The following GBF1 variants were observed in gnomAD, a reference collection of about 807,000 sequenced individuals.
The protein encoded by GBF1 is Golgi-specific brefeldin A-resistance guanine nucleotide exchange factor 1.
In GBF1, 114 loss-of-function variants were observed where a neutral mutation model predicts 210.5. That is an observed-to-expected ratio of 0.54 (90% confidence interval 0.47 to 0.63). The LOEUF (loss-of-function observed/expected upper bound fraction) is 0.63. Among genes scored for constraint, GBF1 ranks in the 30% least tolerant of loss-of-function variants. GBF1 has a pLI of 0.00. For synonymous variants in GBF1, 850 were observed against 889.2 expected (o/e 0.96, Z 0.78); for missense variants, 1,851 against 2,357.7 (o/e 0.79, Z 4.45).
chr10:102,369,425 C>T (rs2060085042), intron 24 of GBF1, 38 bp downstream of exon 24: 2 of 1,473,278 alleles, frequency 1.4e-6, no homozygotes, highest in African/African-American at 2.8e-5. Flanking sequence ...GATAACAAGG[C>T]AAGAGCTGCA....
intron 3 of GBF1, among the ~76,000 whole-genome samples, chr10:102,338,626 C>G (rs1443348066): frequency 6.6e-6 from 1 of 151,818 alleles, no homozygotes. Flanking sequence ...AGTCCATTGA[C>G]TGAATTGTAT....
chr10:102,377,107 CTA>C lies in GBF1; in HGVS notation c.4462_4463del (p.Tyr1488ProfsTer44). The C allele has an allele frequency of 6.2e-7, 1 of 1,614,076 alleles. No individual in the cohort carries two copies. ...DDEDEGVPAS[Y>X]HTVSLQVSQD... is the part of the protein sequence containing the mutation. ...ATGAGGACGAAGGCGTGCCTGCCAG[CTA>C]CCATACGGTGTCTTTACAGGTCAGT... On this transcript the variant is annotated frameshift_variant, in exon 33 of 40. Transcript: ENST00000369983. LOFTEE classifies it high-confidence loss of function.
chr10:102,268,886 A>G (rs950985771), intron 3 of GBF1, among the ~76,000 whole-genome samples: 1 of 152,232 alleles, frequency 6.6e-6, no homozygotes, highest in Non-Finnish European at 1.5e-5. Flanking sequence ...GGAGTTGGCT[A>G]TAGAGCAAAA....
intron 13 of GBF1, 124 bp from the exon 14 acceptor site, chr10:102,361,594 T>G (rs1202062727): frequency 1.6e-6 from 1 of 621,368 alleles, no homozygotes; most frequent in African/African-American, 1.8e-5. Flanking sequence ...CCTTTGGGTG[T>G]CTCTTAATAC....
chr10:102,359,472 C>A (rs1441468796), intron 11 of GBF1, 37 bp downstream of exon 11: 7 of 1,503,876 alleles, frequency 4.7e-6, no homozygotes, highest in Admixed American at 1.7e-5. Context: ...TTCACCTCCC[C>A]CATCCTACCT....
At chr10:102,276,892 A>G (rs2075029121) in intron 3 of GBF1, among the ~76,000 whole-genome samples, 1 of 152,012 alleles carries the variant, frequency 6.6e-6, no homozygotes, top group Non-Finnish European at 1.5e-5. Flanking sequence ...AATTTTCTTG[A>G]ATTTTTATTT....
At chr10:102,287,339 A>ATTTTATTTTTT (rs1565062394) in intron 3 of GBF1, among the ~76,000 whole-genome samples, 1 of 65,208 alleles carries the variant, frequency 1.5e-5, no homozygotes, top group Non-Finnish European at 3.0e-5. Context: ...CTTTTATTTT[A>ATTTTATTTTTT]TTTTCTTTTT....
Position 102,360,334 on chromosome 10 carries a change from T to C in GBF1, c.1331T>C (p.Val444Ala). Reference sequence around the variant, plus strand: ...ACAGTGGCCCTTGAGTCAGCCCCTGTAGCCCAGTGCCAGACCCTCTTGGGC... The same window carrying C: ...ACAGTGGCCCTTGAGTCAGCCCCTGCAGCCCAGTGCCAGACCCTCTTGGGC... ...LLTVALESAP[V>A]AQCQTLLGLI... is the part of the protein sequence containing the mutation. Residue 444 changes from valine (V) to alanine (A), a missense_variant, in exon 12 of 40, where the codon GTA becomes GCA. By Grantham distance (64) the Val-to-Ala change is moderately conservative (BLOSUM62 0). This residue lies in a region of GBF1 where 804 missense variants were observed against 958.6 expected (regional missense o/e 0.84). Coordinates refer to ENST00000369983, the MANE Select transcript of GBF1 (RefSeq NM_001377137.1). The C allele has an allele frequency of 6.2e-7, 1 of 1,613,928 alleles. No homozygotes were observed. Among genetic ancestry groups the C allele is most frequent in the Non-Finnish European group, 8.5e-7 (1 of 1,179,788 alleles).
chr10:102,355,518 A>T (rs763473726), intron 8 of GBF1, among the ~76,000 whole-genome samples: 27 of 152,194 alleles, frequency 1.8e-4, no homozygotes, highest in Non-Finnish European at 4.0e-4. Context: ...GAATAGCTAT[A>T]CCTTTTAAGG....
chr10:102,381,165 G>T lies in GBF1; in HGVS notation c.5212G>T (p.Ala1738Ser), dbSNP rs1047535189. The change falls in exon 39 of 40, where the codon GCC becomes TCC. Residue 1738 changes from alanine to serine, a missense_variant. Ala to Ser is a moderately conservative substitution (Grantham distance 99). Coordinates refer to ENST00000369983, the MANE Select transcript of GBF1 (RefSeq NM_001377137.1). Reference sequence around the variant, plus strand: ...GGAGCCTCAAGGCCAAAAGCCTCTCGCCTCAGCCCACCTGACTTCCGCTGC... The same window carrying T: ...GGAGCCTCAAGGCCAAAAGCCTCTCTCCTCAGCCCACCTGACTTCCGCTGC... ...PMEPQGQKPL[A>S]SAHLTSAAGD... 2 of 1,613,798 alleles carry T rather than the reference G, an allele frequency of 1.2e-6. No homozygotes were observed. The highest frequency in any genetic ancestry group is 1.3e-5 in the African/African-American group (1 of 74,898).
At position 102,368,422 on chromosome 10, in the gene GBF1, G is replaced by A. The variant is rs200994647; in HGVS notation, c.2847G>A (p.Glu949=). 972 of 1,613,022 alleles carry A rather than the reference G, an allele frequency of 6.0e-4. 17 individuals carry two copies. In the South Asian group the frequency reaches 9.2e-3, roughly 15 times the overall value. The stretch of plus-strand genomic sequence containing the variant: ...ATGTCTTTGACAAAAGCCTTGAGGA[G>A]ACAATCATCCAGAAAGCCATCTCAG... ...LSYVFDKSLE[E]TIIQKAISGF... The change falls in exon 22 of 40, where the codon GAG becomes GAA. Residue 949 remains glutamate (E), a synonymous_variant. Transcript: ENST00000369983.
chr10:102,370,018 A>G lies in GBF1; in HGVS notation c.3339+34A>G, dbSNP rs926839730. The G allele has an allele frequency of 1.1e-5, 17 of 1,611,568 alleles. No homozygotes were observed. The Middle Eastern group carries it at 5.0e-4, about 48-fold the overall frequency. ...CCATCCACCCCTGGTGAGAAAGCCT[A>G]AACACCTTCCTATTAGATGCTACTT... On this transcript the variant is annotated intron_variant, in intron 26 of 39. Coordinates refer to ENST00000369983, the MANE Select transcript of GBF1 (RefSeq NM_001377137.1).
Position 102,344,124 on chromosome 10 carries a change from C to T in GBF1, c.237C>T (p.Gly79=), listed in dbSNP as rs2058374068. The T allele has an allele frequency of 6.2e-7, 1 of 1,611,304 alleles. No individual in the cohort carries two copies. Among genetic ancestry groups the T allele is most frequent in the Non-Finnish European group, 8.5e-7 (1 of 1,177,400 alleles). Residue 79 remains glycine, a synonymous_variant, in exon 4 of 40, where the codon GGC becomes GGT. Coordinates refer to ENST00000369983, the MANE Select transcript of GBF1 (RefSeq NM_001377137.1). ...TGATTCGCTCTGAAGATACCACTGG[C>T]CCTATCACTGGACTGGCACTCACCT... ...LEVIRSEDTT[G]PITGLALTSV...
chr10:102,263,427 A>C (rs1217706478), intron 3 of GBF1, among the ~76,000 whole-genome samples: 1 of 152,146 alleles, frequency 6.6e-6, no homozygotes, highest in Non-Finnish European at 1.5e-5. Flanking sequence ...TGACTTGGAC[A>C]TGGTCCTTTT....
At chr10:102,247,539 G>A (rs1038568278) in intron 1 of GBF1, among the ~76,000 whole-genome samples, 2 of 152,210 alleles carry the variant, frequency 1.3e-5, no homozygotes, top group Non-Finnish European at 2.9e-5. Flanking sequence ...TGCATAACAG[G>A]CAATCTAGTC....
intron 3 of GBF1, among the ~76,000 whole-genome samples, chr10:102,343,102 T>A (rs1391051936): frequency 2.6e-5 from 4 of 152,212 alleles, no homozygotes; most frequent in Non-Finnish European, 5.9e-5. Flanking sequence ...CTCTGCTAAC[T>A]CTAGGCAGGA....
In GBF1 at chr10:102,382,183, C is replaced by T. The variant is rs1440324880; in HGVS notation, c.5430C>T (p.Ile1810=). 1 of 1,614,058 alleles carries T rather than the reference C, an allele frequency of 6.2e-7. No homozygotes were observed. Among genetic ancestry groups the T allele is most frequent in the Non-Finnish European group, 8.5e-7 (1 of 1,179,946 alleles). Residue 1810 remains isoleucine, a synonymous_variant, in exon 40 of 40, where the codon ATC becomes ATT. Transcript: ENST00000369983. ...CACCCTTGGCTCAGCCCCCACTGAT[C>T]CTGCAGCCCTTGGCCTCCCCACTGC... ...GPPPLAQPPL[I]LQPLASPLQV... is the part of the protein sequence containing the mutation.
chr10:102,346,346 C>T (rs763638768), intron 4 of GBF1, among the ~76,000 whole-genome samples: 2 of 152,122 alleles, frequency 1.3e-5, no homozygotes, highest in Non-Finnish European at 2.9e-5. Flanking sequence ...TTAAAGACCA[C>T]GTGCATATTG....
intron 3 of GBF1, among the ~76,000 whole-genome samples, chr10:102,287,013 G>A (rs2076007565): frequency 6.6e-6 from 1 of 152,064 alleles, no homozygotes; most frequent in Admixed American, 6.6e-5. Context: ...GATTAGTGTT[G>A]GAAGAGAAGG....
Sources: allele counts gnomAD v4.1 joint callset (sites outside exome capture counted in the v4.1 genomes callset), GRCh38; gene constraint gnomAD v4.1.1; regional missense constraint gnomAD v4.1.1; transcripts MANE v1.5; gene names NCBI Gene and HGNC (gene_info 2026-07-23, HGNC 2026-07-21).